UBE2E2: variants seen among roughly 807,000 people sequenced by gnomAD.
UBE2E2 encodes ubiquitin-conjugating enzyme E2 E2.
Under a neutral mutation model 24.7 loss-of-function variants are expected in UBE2E2, and 6 were observed. The observed-to-expected ratio is 0.24, with a 90% confidence interval of 0.13 to 0.48. The LOEUF (loss-of-function observed/expected upper bound fraction) is 0.48. Among genes scored for constraint, UBE2E2 ranks in the 20% least tolerant of loss-of-function variants. The pLI is 0.99. For synonymous variants in UBE2E2, 104 were observed against 83.6 expected (o/e 1.24, Z -1.33); for missense variants, 169 against 245.0 (o/e 0.69, Z 2.07).
At chr3:23,459,707 TTATGG>T (rs988538653) in intron 3 of UBE2E2, among the ~76,000 whole-genome samples, 1 of 152,154 alleles carries the variant, frequency 6.6e-6, no homozygotes, top group African/African-American at 2.4e-5. Context: ...TATTAAGTTG[TTATGG>T]AAGTTTCTGG....
Position 23,422,086 on chromosome 3 carries a change from A to C in UBE2E2, c.228-77522A>C, listed in dbSNP as rs918725753. On this transcript the variant is annotated intron_variant, in intron 3 of 5. Coordinates refer to ENST00000396703, the MANE Select transcript of UBE2E2 (RefSeq NM_152653.4). ...TCTAATGAGCTGTTTTGTTGTATTG[A>C]ATGAAGTAATTAATAATTTTTTTAA... 2.0e-5 allele frequency among the ~76,000 whole-genome samples: 3 copies of C among 152,190 alleles called. No homozygotes were observed. The East Asian group carries it at 5.8e-4, about 29-fold the overall frequency.
intron 2 of UBE2E2, among the ~76,000 whole-genome samples, chr3:23,212,768 T>A (rs1696364476): frequency 6.6e-6 from 1 of 152,100 alleles, no homozygotes; most frequent in Non-Finnish European, 1.5e-5. Flanking sequence ...ATTCTAAAAG[T>A]ACATTTTAAA....
intron 3 of UBE2E2, among the ~76,000 whole-genome samples, chr3:23,384,605 C>T (rs912976811): frequency 1.3e-5 from 2 of 152,146 alleles, no homozygotes; most frequent in Non-Finnish European, 2.9e-5. Context: ...TGCAGTGGTG[C>T]GATCTTGGCT....
At chr3:23,399,162 C>G (rs989262813) in intron 3 of UBE2E2, among the ~76,000 whole-genome samples, 1 of 152,080 alleles carries the variant, frequency 6.6e-6, no homozygotes, top group African/African-American at 2.4e-5. Context: ...CGTTTCTTAC[C>G]ATAGTAACCT....
chr3:23,568,645 G>GCACATATATGTATACATATATA (rs1696141256), intron 5 of UBE2E2, among the ~76,000 whole-genome samples: 1 of 145,174 alleles, frequency 6.9e-6, no homozygotes, highest in Non-Finnish European at 1.5e-5. Context: ...ACATATATAC[G>GCACATATATGTATACATATATA]CACATATATG....
intron 3 of UBE2E2, among the ~76,000 whole-genome samples, chr3:23,453,981 CT>C (rs1159808118): frequency 6.6e-6 from 1 of 152,076 alleles, no homozygotes; most frequent in Non-Finnish European, 1.5e-5. Context: ...TTTCTATACT[CT>C]TTAATTTTAC....
intron 3 of UBE2E2, among the ~76,000 whole-genome samples, chr3:23,497,966 T>C (rs1175159698): frequency 6.6e-6 from 1 of 152,218 alleles, no homozygotes; most frequent in East Asian, 1.9e-4. Flanking sequence ...TGTCAGGCAT[T>C]GATTTTTGCA....
At chr3:23,322,564 A>G (rs1012000662) in intron 3 of UBE2E2, among the ~76,000 whole-genome samples, 5 of 152,192 alleles carry the variant, frequency 3.3e-5, no homozygotes, top group African/African-American at 7.2e-5. Flanking sequence ...CTCTGTGTAT[A>G]TGTTCATTTA....
At chr3:23,355,419 A>G (rs1000376622) in intron 3 of UBE2E2, among the ~76,000 whole-genome samples, 5 of 152,146 alleles carry the variant, frequency 3.3e-5, no homozygotes, top group Non-Finnish European at 7.4e-5. Context: ...TCTTATATCC[A>G]AATGCCAACT....
intron 3 of UBE2E2, among the ~76,000 whole-genome samples, chr3:23,414,620 CT>C (rs1329402492): frequency 1.3e-5 from 2 of 152,166 alleles, no homozygotes; most frequent in African/African-American, 4.8e-5. Context: ...TCAGGATCTT[CT>C]GCTAATTTGG....
intron 5 of UBE2E2, among the ~76,000 whole-genome samples, chr3:23,573,239 AG>A (rs1326624363): frequency 6.6e-6 from 1 of 152,228 alleles, no homozygotes; most frequent in African/African-American, 2.4e-5. Flanking sequence ...TTCACATAAA[AG>A]TTACTGTAAA....
intron 3 of UBE2E2, among the ~76,000 whole-genome samples, chr3:23,385,763 C>G (rs185193030): frequency 6.6e-6 from 1 of 152,326 alleles, no homozygotes; most frequent in Admixed American, 6.5e-5. Flanking sequence ...CCATCAGCTT[C>G]TTGTACTGGC....
chr3:23,338,752 C>T (rs1695285579), intron 3 of UBE2E2, among the ~76,000 whole-genome samples: 2 of 151,930 alleles, frequency 1.3e-5, no homozygotes, highest in Admixed American at 6.6e-5. Flanking sequence ...TGGGCCATAA[C>T]CCATAAAATA....
chr3:23,298,449 T>G lies in UBE2E2; in HGVS notation c.227+81137T>G, dbSNP rs1001035660. On this transcript the variant is annotated intron_variant, in intron 3 of 5. Coordinates refer to ENST00000396703, the MANE Select transcript of UBE2E2 (RefSeq NM_152653.4). ...TTGTCATAGATAGCTCTTATTATTT[T>G]GAGATACGTCCCATCAATACCTAAT... 6.4e-4 allele frequency among the ~76,000 whole-genome samples: 98 copies of G among 152,298 alleles called. 2 individuals are homozygous for G. The highest frequency in any genetic ancestry group is 1.3e-3 in the Non-Finnish European group (85 of 68,000).
intron 3 of UBE2E2, among the ~76,000 whole-genome samples, chr3:23,352,192 A>G (rs1346743874): frequency 1.3e-5 from 2 of 152,160 alleles, no homozygotes; most frequent in African/African-American, 2.4e-5. Flanking sequence ...CAACGAGAAC[A>G]AAGACACAAC....
intron 3 of UBE2E2, among the ~76,000 whole-genome samples, chr3:23,382,166 A>G (rs1227969629): frequency 6.7e-6 from 1 of 150,226 alleles, no homozygotes; most frequent in Non-Finnish European, 1.5e-5. Flanking sequence ...CTTCATAATT[A>G]CGAATACTTT....
At chr3:23,421,255 A>G (rs1344918547) in intron 3 of UBE2E2, among the ~76,000 whole-genome samples, 1 of 152,234 alleles carries the variant, frequency 6.6e-6, no homozygotes, top group African/African-American at 2.4e-5. Flanking sequence ...TAATTAGGTG[A>G]TGGCTGGTAT....
intron 5 of UBE2E2, among the ~76,000 whole-genome samples, chr3:23,573,026 G>C (rs1334052755): frequency 6.6e-6 from 1 of 151,538 alleles, no homozygotes; most frequent in Non-Finnish European, 1.5e-5. Flanking sequence ...TCAAGATTAG[G>C]GTTCTCAAAA....
At position 23,372,612 on chromosome 3, in the gene UBE2E2, G is replaced by A. The variant is rs145089995; in HGVS notation, c.228-126996G>A. ...CATGGGGTCTGTACAGTGAAAGACT[G>A]TAGTACAGATAAGCATACAATAGAA... is the stretch of plus-strand genomic sequence containing the variant. On this transcript the variant is annotated intron_variant, in intron 3 of 5. Transcript: ENST00000396703. Among the ~76,000 whole-genome samples, 756 of 152,296 alleles carry A rather than the reference G, an allele frequency of 5.0e-3. 6 individuals carry two copies. Among genetic ancestry groups the A allele is most frequent in the Middle Eastern group, 0.017 (5 of 294 alleles).
Sources: allele counts gnomAD v4.1 joint callset (sites outside exome capture counted in the v4.1 genomes callset), GRCh38; gene constraint gnomAD v4.1.1; transcripts MANE v1.5; gene names NCBI Gene and HGNC (gene_info 2026-07-23, HGNC 2026-07-21).